The following OR51L1 variants were observed in gnomAD, a reference collection of about 807,000 sequenced individuals.
OR51L1 encodes the protein olfactory receptor 51L1.
Under a neutral mutation model 1.4 loss-of-function variants are expected in OR51L1, and 1 was observed. The observed-to-expected ratio is 0.72, with a 90% CI of 0.26 to 3.42. The LOEUF is 3.42. OR51L1 is among the 30% of genes most tolerant of loss of function. The pLI, the probability that OR51L1 is intolerant of heterozygous loss-of-function variation, is 0.20. For synonymous variants in OR51L1, 156 were observed against 144.2 expected (o/e 1.08, Z -0.59); for missense variants, 378 against 380.0 (o/e 0.99, Z 0.04).
chr11:4,997,759 C>A lies in OR51L1; in HGVS notation c.-160+176C>A, dbSNP rs962636107. ...TTCAGCACAGGCAAGGAGGCTATTA[C>A]AATAACAATTGCTGAGGGAAAGTAA... On this transcript the variant is annotated intron_variant, in intron 2 of 2. Transcript: ENST00000641819. 3.9e-5 allele frequency among the ~76,000 whole-genome samples: 6 copies of A among 152,268 alleles called. No individual in the cohort carries two copies. In the South Asian group the frequency reaches 6.2e-4, roughly 16 times the overall value.
In OR51L1 at chr11:4,999,834, T is replaced by C. The variant is rs1229996520; in HGVS notation, c.852T>C (p.Leu284=). ...TCCTCATGGCAGACATCTACCTTCTTCTTCCCCCAGTCCTTAACCCTATTG... is the reference window on the plus strand; with the variant it reads ...TCCTCATGGCAGACATCTACCTTCTCCTTCCCCCAGTCCTTAACCCTATTG... ...VHILMADIYL[L]LPPVLNPIVY... The change falls in exon 3 of 3, where the codon CTT becomes CTC. Residue 284 remains leucine, a synonymous_variant. Coordinates refer to ENST00000641819, the MANE Select transcript of OR51L1 (RefSeq NM_001004755.2). 1.2e-6 allele frequency: 2 copies of C among 1,614,074 alleles called. No individual in the cohort carries two copies. Among genetic ancestry groups the C allele is most frequent in the South Asian group, 2.2e-5 (2 of 91,078 alleles).
chr11:4,997,063 G>C (rs1325706422), intron 1 of OR51L1, among the ~76,000 whole-genome samples: 1 of 151,966 alleles, frequency 6.6e-6, no homozygotes, highest in Admixed American at 6.6e-5. Flanking sequence ...TTAAGACGAG[G>C]GTCTCAAATG....
rs1172696727 is a variant in OR51L1, at chr11:4,995,012, A to C, written c.-585A>C. 6.6e-6 allele frequency: 1 copy of C among 152,162 alleles called. No individual in the cohort carries two copies. Among genetic ancestry groups the C allele is most frequent in the Non-Finnish European group, 1.5e-5 (1 of 67,996 alleles). 9.4% of individuals were successfully genotyped at this position (152,162 alleles called of 1,614,324 possible). Reference sequence around the variant, plus strand: ...CACAGACACACAAAGAGAAATTAGAAGAAAGAAACAGCCAATCAAAGGGAC... The same window carrying C: ...CACAGACACACAAAGAGAAATTAGACGAAAGAAACAGCCAATCAAAGGGAC... On this transcript the variant is annotated 5_prime_UTR_variant, in exon 1 of 3. Transcript: ENST00000641819.
In OR51L1 at chr11:5,001,537, C is replaced by A. The variant is rs999343156; in HGVS notation, c.*1607C>A. 4 of 152,078 alleles carry A rather than the reference C, an allele frequency of 2.6e-5. No individual in the cohort carries two copies. In the South Asian group the frequency reaches 8.3e-4, roughly 32 times the overall value. The allele number at this position is 152,078 out of a possible 1,614,324, so 9.4% of individuals were successfully genotyped here. On this transcript the variant is annotated 3_prime_UTR_variant, in exon 3 of 3. Transcript: ENST00000641819. ...TTAAGAGTTGTGCACAATCTCAACCCTCATCTTTTAATAATACTTTTACCT... is the reference window on the plus strand; with the variant it reads ...TTAAGAGTTGTGCACAATCTCAACCATCATCTTTTAATAATACTTTTACCT...
In OR51L1 at chr11:5,003,185, CTGTGTTTAACCT is replaced by C. The variant is rs1847146756; in HGVS notation, c.*3257_*3268del. The C allele has an allele frequency of 6.6e-6, 1 of 152,226 alleles. No homozygotes were observed. The highest frequency in any genetic ancestry group is 2.4e-5 in the African/African-American group (1 of 41,442). 9.4% of individuals were successfully genotyped at this position (152,226 alleles called of 1,614,324 possible). On this transcript the variant is annotated 3_prime_UTR_variant, in exon 3 of 3. Transcript: ENST00000641819. ...CCAAGGGTAAATTGAAGGACAAGTG[CTGTGTTTAACCT>C]TAATCCTAGGACCTTATAGTCTGGC...
In OR51L1 at chr11:4,999,258, A is replaced by G. The variant is rs780621507; in HGVS notation, c.276A>G (p.Pro92=). Residue 92 remains proline, a synonymous_variant, in exon 3 of 3, where the codon CCA becomes CCG. Transcript: ENST00000641819. ...TTGCTGTGTTATGGTTGGATGCTCC[A>G]GAGATCCAGGCAAGTGCTTGCTATG... ...TMLAVLWLDA[P]EIQASACYAQ... 1.9e-6 allele frequency: 3 copies of G among 1,614,042 alleles called. No individual in the cohort carries two copies. In the African/African-American group the frequency reaches 4.0e-5, roughly 22 times the overall value.
chr11:4,999,847 C>T lies in OR51L1; in HGVS notation c.865C>T (p.Leu289Phe). The change falls in exon 3 of 3, where the codon CTT (leucine) becomes TTT (phenylalanine). Residue 289 changes from leucine to phenylalanine, a missense_variant. Physicochemically the swap from Leu to Phe is conservative, Grantham distance 22 (BLOSUM62 0). Coordinates refer to ENST00000641819, the MANE Select transcript of OR51L1 (RefSeq NM_001004755.2). The stretch of plus-strand genomic sequence containing the variant: ...CATCTACCTTCTTCTTCCCCCAGTC[C>T]TTAACCCTATTGTCTATAGTGTCAG... ...ADIYLLLPPV[L>F]NPIVYSVRTK... The T allele has an allele frequency of 6.2e-7, 1 of 1,614,044 alleles. No individual in the cohort carries two copies. The highest frequency in any genetic ancestry group is 8.5e-7 in the Non-Finnish European group (1 of 1,179,970).
In OR51L1 at chr11:4,999,890, T is replaced by G; in HGVS notation, c.908T>G (p.Leu303Arg). 1 of 1,613,522 alleles carries G rather than the reference T, an allele frequency of 6.2e-7. No individual in the cohort carries two copies. The highest frequency in any genetic ancestry group is 1.1e-5 in the South Asian group (1 of 91,018). Residue 303 changes from leucine (L) to arginine (R), a missense_variant, in exon 3 of 3, where the codon CTA becomes CGA. Coordinates refer to ENST00000641819, the MANE Select transcript of OR51L1 (RefSeq NM_001004755.2). ...VYSVRTKQIR[L>R]GILHKFVLRR... ...AGTGTCAGAACAAAGCAGATTCGTC[T>G]AGGAATTCTCCACAAGTTTGTCCTA... is the stretch of plus-strand genomic sequence containing the variant.
intron 1 of OR51L1, among the ~76,000 whole-genome samples, chr11:4,996,599 T>C (rs371342101): frequency 5.3e-5 from 8 of 152,222 alleles, no homozygotes; most frequent in Admixed American, 1.3e-4. Flanking sequence ...GGAGAAAACA[T>C]GGAATATTTT....
chr11:5,001,301 G>C lies in OR51L1; in HGVS notation c.*1371G>C, dbSNP rs1052944582. The C allele has an allele frequency of 1.3e-5, 2 of 152,132 alleles. No individual in the cohort carries two copies. The highest frequency in any genetic ancestry group is 1.5e-5 in the Non-Finnish European group (1 of 68,034). The allele number at this position is 152,132 out of a possible 1,614,324, so 9.4% of individuals were successfully genotyped here. A position where few individuals can be genotyped will look rare whatever the true frequency, so the allele number is the denominator to read the frequency against. ...GCCAGTGGAAAGAAAGGAATGTAAA[G>C]GTCGTAATTGCATTACTAAAGAGCA... On this transcript the variant is annotated 3_prime_UTR_variant, in exon 3 of 3. Transcript: ENST00000641819.
chr11:4,999,217 A>G lies in OR51L1; in HGVS notation c.235A>G (p.Thr79Ala). ...AVNDLGMSLS[T>A]LPTMLAVLWL... ...GAATGACCTGGGGATGTCCCTGTCTACACTTCCCACCATGCTTGCTGTGTT... is the reference window on the plus strand; with the variant it reads ...GAATGACCTGGGGATGTCCCTGTCTGCACTTCCCACCATGCTTGCTGTGTT... Residue 79 changes from threonine (T) to alanine (A), a missense_variant, in exon 3 of 3, where the codon ACA (threonine) becomes GCA (alanine). Coordinates refer to ENST00000641819, the MANE Select transcript of OR51L1 (RefSeq NM_001004755.2). 5.0e-6 allele frequency: 8 copies of G among 1,614,160 alleles called. No individual in the cohort carries two copies. Among genetic ancestry groups the G allele is most frequent in the Non-Finnish European group, 6.8e-6 (8 of 1,180,002 alleles).
chr11:4,997,043 A>T (rs891549090), intron 1 of OR51L1, among the ~76,000 whole-genome samples: 3 of 152,152 alleles, frequency 2.0e-5, no homozygotes, highest in African/African-American at 7.2e-5. Context: ...TGGGTAGCTG[A>T]CTGCTTTATT....
chr11:4,999,391 A>C lies in OR51L1; in HGVS notation c.409A>C (p.Ile137Leu), dbSNP rs765372995. The C allele has an allele frequency of 6.2e-7, 1 of 1,614,108 alleles. No individual in the cohort carries two copies. ...CTGCCATCCACTGCACTACCCCACCATCCTCACCAACAGTGTAATTGGCAA... is the reference window on the plus strand; with the variant it reads ...CTGCCATCCACTGCACTACCCCACCCTCCTCACCAACAGTGTAATTGGCAA... ...AICHPLHYPTILTNSVIGKIG... is the reference protein window; with the variant it reads ...AICHPLHYPTLLTNSVIGKIG... Residue 137 changes from isoleucine to leucine, a missense_variant, in exon 3 of 3, where the codon ATC (isoleucine) becomes CTC (leucine). By Grantham distance (5) the Ile-to-Leu change is conservative. Coordinates refer to ENST00000641819, the MANE Select transcript of OR51L1 (RefSeq NM_001004755.2).
chr11:5,002,411 A>G lies in OR51L1; in HGVS notation c.*2481A>G, dbSNP rs1241601840. 6.6e-6 allele frequency: 1 copy of G among 152,168 alleles called. No homozygotes were observed. The highest frequency in any genetic ancestry group is 1.9e-4 in the East Asian group (1 of 5,190). The allele number at this position is 152,168 out of a possible 1,614,324, so 9.4% of individuals were successfully genotyped here. ...TCAGTCTAACTTAAAACTTACCCAA[A>G]GCATTTTGCATTTCCTCCCACAAAA... On this transcript the variant is annotated 3_prime_UTR_variant, in exon 3 of 3. Transcript: ENST00000641819.
chr11:4,999,437 T>C lies in OR51L1; in HGVS notation c.455T>C (p.Leu152Pro). ...GGCAAAATTGGTTTGGCCTGTTTGC[T>C]ACGAAGCTTGGGAGTTGTACTTCCC... ...VIGKIGLACL[L>P]RSLGVVLPTP... The change falls in exon 3 of 3, where the codon CTA becomes CCA. Residue 152 changes from leucine to proline, a missense_variant. Transcript: ENST00000641819. 6.2e-7 allele frequency: 1 copy of C among 1,614,182 alleles called. No homozygotes were observed. Among genetic ancestry groups the C allele is most frequent in the South Asian group, 1.1e-5 (1 of 91,086 alleles).
intron 1 of OR51L1, among the ~76,000 whole-genome samples, chr11:4,996,050 G>A (rs1247567441): frequency 6.6e-6 from 1 of 152,104 alleles, no homozygotes; most frequent in Non-Finnish European, 1.5e-5. Context: ...TCATAATATT[G>A]TAGAATGGGA....
Position 5,000,083 on chromosome 11 carries a change from A to G in OR51L1, c.*153A>G. On this transcript the variant is annotated 3_prime_UTR_variant, in exon 3 of 3. Transcript: ENST00000641819. ...TTTCAGTTAATCTTTAACCAATATG[A>G]AACTCAGGATTTTTTTGGACAAATT... 1 of 834,154 alleles carries G rather than the reference A, an allele frequency of 1.2e-6. No homozygotes were observed. Among genetic ancestry groups the G allele is most frequent in the South Asian group, 2.4e-5 (1 of 41,126 alleles). The allele number at this position is 834,154 out of a possible 1,614,324, so 51.7% of individuals were successfully genotyped here. A position where few individuals can be genotyped will look rare whatever the true frequency, so the allele number is the denominator to read the frequency against.
At chr11:4,996,733 CTTT>C (rs1169240866) in intron 1 of OR51L1, among the ~76,000 whole-genome samples, 2 of 126,876 alleles carry the variant, frequency 1.6e-5, no homozygotes. Context: ...TTCTTTCTTT[CTTT>C]CTTTCTTTCT....
In OR51L1 at chr11:5,000,993, A is replaced by C. The variant is rs1847125610; in HGVS notation, c.*1063A>C. The C allele has an allele frequency of 6.6e-6, 1 of 152,236 alleles. No individual in the cohort carries two copies. The highest frequency in any genetic ancestry group is 2.1e-4 in the South Asian group (1 of 4,816). The allele number at this position is 152,236 out of a possible 1,614,324, so 9.4% of individuals were successfully genotyped here. A position where few individuals can be genotyped will look rare whatever the true frequency, so the allele number is the denominator to read the frequency against. On this transcript the variant is annotated 3_prime_UTR_variant, in exon 3 of 3. Transcript: ENST00000641819. ...AATGGCGTGATCTCTGCTCACTGCA[A>C]CCTTCGCCTCCTAGGTTCAAGCAAT...
Sources: gnomAD v4.1 joint callset for allele counts (sites outside exome capture counted in the v4.1 genomes callset) on GRCh38, gnomAD v4.1.1 for gene constraint, MANE v1.5 for transcripts, NCBI Gene and HGNC (gene_info 2026-07-23, HGNC 2026-07-21) for gene names.